MARCHF3: variants seen among roughly 807,000 people sequenced by gnomAD.
MARCHF3 encodes the protein E3 ubiquitin-protein ligase MARCHF3.
In MARCHF3, 13 loss-of-function variants were observed where a neutral mutation model predicts 24.2. That is an observed-to-expected ratio of 0.54 (90% CI 0.35 to 0.85). The LOEUF is 0.85. Among genes scored for constraint, MARCHF3 ranks in the 40% least tolerant of loss-of-function variants. The probability of loss-of-function intolerance (pLI) is 0.01; values close to 1 mark genes in which losing one functional copy is unlikely to be tolerated. For synonymous variants in MARCHF3, 144 were observed against 137.3 expected (o/e 1.05, Z -0.34); for missense variants, 276 against 325.0 (o/e 0.85, Z 1.16).
chr5:127,014,394 T>C (rs915871563), intron 1 of MARCHF3, among the ~76,000 whole-genome samples: 18 of 152,290 alleles, frequency 1.2e-4, no homozygotes, highest in Middle Eastern at 6.8e-3. Flanking sequence ...AACAGCAGTA[T>C]AGAGATTCCT....
intron 1 of MARCHF3, among the ~76,000 whole-genome samples, chr5:126,941,950 C>T (rs758298125): frequency 7.9e-5 from 12 of 152,326 alleles, no homozygotes; most frequent in Non-Finnish European, 1.6e-4. Flanking sequence ...TCCTGGTTTA[C>T]AGAATCATGG....
In MARCHF3 at chr5:126,870,626, A is replaced by G; in HGVS notation, c.*7T>C. 6.2e-7 allele frequency: 1 copy of G among 1,613,872 alleles called. No homozygotes were observed. The highest frequency in any genetic ancestry group is 1.1e-5 in the South Asian group (1 of 91,082). ...ATGAATCAAACAACCAACCAACCAT[A>G]CAAACATCAAACAACTGTCTCCTTT... On this transcript the variant is annotated 3_prime_UTR_variant, in exon 5 of 5. Coordinates refer to ENST00000308660, the MANE Select transcript of MARCHF3 (RefSeq NM_178450.5).
At chr5:127,016,957 C>T (rs1187907672) in intron 1 of MARCHF3, among the ~76,000 whole-genome samples, 3 of 152,202 alleles carry the variant, frequency 2.0e-5, no homozygotes, top group Non-Finnish European at 2.9e-5. Context: ...AGTTCATGTC[C>T]TTTGCAGGGA....
At chr5:127,027,998 A>G (rs1019176959) in intron 1 of MARCHF3, among the ~76,000 whole-genome samples, 2 of 152,208 alleles carry the variant, frequency 1.3e-5, no homozygotes, top group Non-Finnish European at 2.9e-5. Flanking sequence ...AATTTGGATG[A>G]TTCATATCAA....
intron 1 of MARCHF3, among the ~76,000 whole-genome samples, chr5:126,986,311 C>T (rs1464515555): frequency 6.6e-6 from 1 of 152,172 alleles, no homozygotes; most frequent in Non-Finnish European, 1.5e-5. Context: ...TAAATACCCA[C>T]AATTAAAGCA....
intron 3 of MARCHF3, among the ~76,000 whole-genome samples, chr5:126,912,119 T>C (rs1754556091): frequency 2.0e-5 from 3 of 152,158 alleles, no homozygotes; most frequent in Non-Finnish European, 4.4e-5. Flanking sequence ...AAAAAAAGAC[T>C]TCACATAGCA....
chr5:126,919,435 G>A (rs1749022096), intron 1 of MARCHF3, among the ~76,000 whole-genome samples: 2 of 152,172 alleles, frequency 1.3e-5, no homozygotes, highest in Non-Finnish European at 2.9e-5. Flanking sequence ...ACCCATTTAG[G>A]TGGTCAAGGC....
At chr5:126,933,263 A>G (rs1749533127) in intron 1 of MARCHF3, among the ~76,000 whole-genome samples, 1 of 152,158 alleles carries the variant, frequency 6.6e-6, no homozygotes, top group African/African-American at 2.4e-5. Context: ...TCAGTAGCGG[A>G]GAAAATACAA....
intron 3 of MARCHF3, among the ~76,000 whole-genome samples, chr5:126,880,865 C>T (rs1196788741): frequency 4.6e-5 from 7 of 152,150 alleles, no homozygotes; most frequent in Non-Finnish European, 7.4e-5. Flanking sequence ...CATATGCTAC[C>T]GATGTCCACA....
rs115478371 is a variant in MARCHF3 at position 126,916,593 on chromosome 5, G to T, written c.188+1391C>A. Among the ~76,000 whole-genome samples, 1,158 of 151,984 alleles carry T rather than the reference G, an allele frequency of 7.6e-3. 9 individuals carry two copies. Among genetic ancestry groups the T allele is most frequent in the African/African-American group, 0.027 (1,109 of 41,434 alleles). On this transcript the variant is annotated intron_variant, in intron 2 of 4. Coordinates refer to ENST00000308660, the MANE Select transcript of MARCHF3 (RefSeq NM_178450.5). ...GTTTTTTTTTAACTCATGATTCTGG[G>T]CCTCCTTCATTTACACTGAGCCTGT...
chr5:126,949,872 A>G (rs779788574), intron 1 of MARCHF3, among the ~76,000 whole-genome samples: 4 of 152,184 alleles, frequency 2.6e-5, no homozygotes, highest in Non-Finnish European at 4.4e-5. Flanking sequence ...GCAGAAGTAA[A>G]AGAGATAGCT....
intron 1 of MARCHF3, among the ~76,000 whole-genome samples, chr5:126,950,988 C>T (rs1459187588): frequency 2.0e-5 from 3 of 152,156 alleles, no homozygotes; most frequent in Non-Finnish European, 2.9e-5. Flanking sequence ...ATCCATCTCC[C>T]TCCAGTTTCC....
intron 3 of MARCHF3, among the ~76,000 whole-genome samples, chr5:126,888,566 G>A (rs966371208): frequency 6.6e-6 from 1 of 152,176 alleles, no homozygotes; most frequent in African/African-American, 2.4e-5. Flanking sequence ...AGTGATCACA[G>A]CCAAATGGAG....
chr5:126,940,802 T>C (rs918824835), intron 1 of MARCHF3, among the ~76,000 whole-genome samples: 36 of 152,184 alleles, frequency 2.4e-4, no homozygotes, highest in Admixed American at 2.3e-3. Context: ...TCCATAAATA[T>C]ATACAGCTAT....
At chr5:126,889,978 C>T (rs915112222) in intron 3 of MARCHF3, among the ~76,000 whole-genome samples, 3 of 152,038 alleles carry the variant, frequency 2.0e-5, no homozygotes. Flanking sequence ...AGCATCCTCA[C>T]ATCTAGATTA....
rs118043266 is a variant in MARCHF3 at position 126,972,344 on chromosome 5, G to A, written c.-56-54117C>T. On this transcript the variant is annotated intron_variant, in intron 1 of 4. Coordinates refer to ENST00000308660, the MANE Select transcript of MARCHF3 (RefSeq NM_178450.5). The stretch of plus-strand genomic sequence containing the variant: ...GCTTTCCCTAAGTAAGTTTATGGAA[G>A]AGATAATGGCAAGAGGTAGGGGCAA... 5.4e-4 allele frequency among the ~76,000 whole-genome samples: 82 copies of A among 152,030 alleles called. No homozygotes were observed. The East Asian group carries it at 0.014, about 26-fold the overall frequency.
At chr5:126,922,150 C>T (rs973950574) in intron 1 of MARCHF3, among the ~76,000 whole-genome samples, 1 of 152,228 alleles carries the variant, frequency 6.6e-6, no homozygotes, top group African/African-American at 2.4e-5. Flanking sequence ...GAAGCAGGCT[C>T]TGCTCACCTC....
At chr5:127,013,625 C>T (rs1272551260) in intron 1 of MARCHF3, among the ~76,000 whole-genome samples, 1 of 152,144 alleles carries the variant, frequency 6.6e-6, no homozygotes, top group Non-Finnish European at 1.5e-5. Flanking sequence ...CATCCTCTTC[C>T]TTTCTTTTTC....
At position 126,878,177 on chromosome 5, in the gene MARCHF3, A is replaced by G. The variant is rs767774034; in HGVS notation, c.603+8T>C. 1.9e-6 allele frequency: 3 copies of G among 1,613,636 alleles called. No homozygotes were observed. The highest frequency in any genetic ancestry group is 2.7e-5 in the African/African-American group (2 of 74,940). ...ATGGCCTGAACCCCAGCCACGGCCC[A>G]TACTTACTAGTGTCCAAAAGAGGTA... On this transcript the variant is annotated splice_region_variant and intron_variant, in intron 4 of 4. Transcript: ENST00000308660.
Sources: allele counts gnomAD v4.1 joint callset (sites outside exome capture counted in the v4.1 genomes callset), GRCh38; gene constraint gnomAD v4.1.1; transcripts MANE v1.5; gene names NCBI Gene and HGNC (gene_info 2026-07-23, HGNC 2026-07-21).